Variants in GPR137C observed in about 807,000 individuals in gnomAD.
The protein encoded by GPR137C is integral membrane protein GPR137C.
Under a neutral mutation model 43.4 loss-of-function variants are expected in GPR137C, and 27 were observed. The observed-to-expected ratio is 0.62, with a 90% CI of 0.46 to 0.86. GPR137C has a LOEUF of 0.86. Ranked by LOEUF, GPR137C falls within the 40% of genes least tolerant of loss-of-function variation. The pLI is 0.00. For synonymous variants in GPR137C, 285 were observed against 226.9 expected (o/e 1.26, Z -2.30); for missense variants, 522 against 534.6 (o/e 0.98, Z 0.23).
intron 1 of GPR137C, among the ~76,000 whole-genome samples, chr14:52,585,099 A>G (rs2038695911): frequency 6.6e-6 from 1 of 152,102 alleles, no homozygotes; most frequent in Admixed American, 6.6e-5. Flanking sequence ...TGACCTTGCC[A>G]CCTACTTTCC....
intron 3 of GPR137C, among the ~76,000 whole-genome samples, chr14:52,626,726 A>T (rs1327339323): frequency 2.0e-5 from 3 of 152,174 alleles, no homozygotes; most frequent in Non-Finnish European, 4.4e-5. Flanking sequence ...AGAACATCTT[A>T]AGGCATCTAC....
chr14:52,588,427 G>A (rs890979113), intron 1 of GPR137C, among the ~76,000 whole-genome samples: 1 of 152,172 alleles, frequency 6.6e-6, no homozygotes, highest in Admixed American at 6.5e-5. Flanking sequence ...TTACAGGCAT[G>A]AGCCACCGCT....
intron 3 of GPR137C, among the ~76,000 whole-genome samples, chr14:52,602,607 CTCTA>C (rs978113974): frequency 1.3e-5 from 2 of 152,118 alleles, no homozygotes; most frequent in African/African-American, 4.8e-5. Context: ...TCTCACACAT[CTCTA>C]TCTGATTGTT....
chr14:52,627,715 G>C (rs1382667129), intron 3 of GPR137C, among the ~76,000 whole-genome samples: 1 of 151,980 alleles, frequency 6.6e-6, no homozygotes, highest in Admixed American at 6.6e-5. Context: ...ATGGTGGCAC[G>C]TGCCTGTAAT....
chr14:52,631,311 G>A (rs1219974929), intron 3 of GPR137C, among the ~76,000 whole-genome samples: 1 of 152,096 alleles, frequency 6.6e-6, no homozygotes, highest in Non-Finnish European at 1.5e-5. Context: ...TGGACGTTGT[G>A]CACTAAATGC....
intron 1 of GPR137C, among the ~76,000 whole-genome samples, chr14:52,572,581 A>G (rs1480749285): frequency 2.0e-5 from 3 of 152,228 alleles, no homozygotes; most frequent in Non-Finnish European, 4.4e-5. Flanking sequence ...TAAACTAGGT[A>G]TTGTTGGAAT....
chr14:52,637,192 AT>A lies in GPR137C; in HGVS notation c.*2078del, dbSNP rs1461999149. ...CCCAAATTCTTGCATTTGTCTCCTT[AT>A]ACACATCTAACATATCACCAAAGAC... On this transcript the variant is annotated 3_prime_UTR_variant, in exon 7 of 7. Coordinates refer to ENST00000321662, the MANE Select transcript of GPR137C (RefSeq NM_001099652.2). The A allele has an allele frequency of 1.1e-4, 16 of 152,112 alleles. No individual in the cohort carries two copies. Among genetic ancestry groups the A allele is most frequent in the African/African-American group, 3.9e-4 (16 of 41,444 alleles). The allele number at this position is 152,112 out of a possible 1,614,324, so 9.4% of individuals were successfully genotyped here.
chr14:52,594,543 G>T (rs1439973110), intron 1 of GPR137C, among the ~76,000 whole-genome samples: 1 of 152,164 alleles, frequency 6.6e-6, no homozygotes, highest in African/African-American at 2.4e-5. Flanking sequence ...AGCTCTTCTT[G>T]TTGAATTGAT....
At chr14:52,613,621 C>A in intron 3 of GPR137C, 2 of 207,810 alleles carry the variant, frequency 9.6e-6, no homozygotes, top group South Asian at 6.5e-5. Context: ...TCTTTCTGTG[C>A]CTGGCATATT....
chr14:52,598,997 G>A (rs564310575), intron 2 of GPR137C, among the ~76,000 whole-genome samples: 5 of 152,204 alleles, frequency 3.3e-5, no homozygotes, highest in Admixed American at 2.6e-4. Context: ...AATTTACCTC[G>A]TTTAAACCAT....
intron 3 of GPR137C, among the ~76,000 whole-genome samples, chr14:52,621,054 C>A (rs2039155125): frequency 6.6e-6 from 1 of 151,714 alleles, no homozygotes; most frequent in African/African-American, 2.4e-5. Context: ...AAATTTATGT[C>A]TTTCAAGCTT....
Position 52,612,082 on chromosome 14 carries a change from G to C in GPR137C, c.717+11741G>C, listed in dbSNP as rs59975870. On this transcript the variant is annotated intron_variant, in intron 3 of 6. Coordinates refer to ENST00000321662, the MANE Select transcript of GPR137C (RefSeq NM_001099652.2). ...CTGTTAACTGGTTTTATTTCTACCA[G>C]ACTTGCTGTTTTATAGTTTTATGGG... is the stretch of plus-strand genomic sequence containing the variant. 2,392 of 984,998 alleles carry C rather than the reference G, an allele frequency of 2.4e-3. 35 individuals carry two copies. In the African/African-American group the frequency reaches 0.036, roughly 15 times the overall value. The allele number at this position is 984,998 out of a possible 1,614,324, so 61.0% of individuals were successfully genotyped here. A position where few individuals can be genotyped will look rare whatever the true frequency, so the allele number is the denominator to read the frequency against.
At chr14:52,630,452 T>A (rs866136109) in intron 3 of GPR137C, among the ~76,000 whole-genome samples, 1 of 147,514 alleles carries the variant, frequency 6.8e-6, no homozygotes, top group Non-Finnish European at 1.5e-5. Context: ...TTAACTTTTA[T>A]TAACTTTTTT....
intron 1 of GPR137C, among the ~76,000 whole-genome samples, chr14:52,568,378 T>G (rs2038406048): frequency 6.6e-6 from 1 of 152,186 alleles, no homozygotes; most frequent in African/African-American, 2.4e-5. Flanking sequence ...ACTGGTTGGC[T>G]GTTTGGGTGG....
chr14:52,590,767 A>G (rs996055285), intron 1 of GPR137C, among the ~76,000 whole-genome samples: 2 of 152,204 alleles, frequency 1.3e-5, no homozygotes, highest in African/African-American at 2.4e-5. Flanking sequence ...AGGCTATACC[A>G]TCTAGGTTTG....
At chr14:52,595,723 C>CT (rs2038846019) in intron 1 of GPR137C, among the ~76,000 whole-genome samples, 1 of 152,112 alleles carries the variant, frequency 6.6e-6, no homozygotes, top group Non-Finnish European at 1.5e-5. Context: ...TTCGCCTGAC[C>CT]TTTTTTCAAG....
chr14:52,560,635 A>G (rs572464291), intron 1 of GPR137C, among the ~76,000 whole-genome samples: 6 of 152,318 alleles, frequency 3.9e-5, no homozygotes, highest in African/African-American at 1.4e-4. Flanking sequence ...TTTTTCCCCA[A>G]AAGTGCCAAG....
chr14:52,588,763 C>T (rs897084802), intron 1 of GPR137C, among the ~76,000 whole-genome samples: 17 of 151,872 alleles, frequency 1.1e-4, no homozygotes, highest in African/African-American at 4.1e-4. Flanking sequence ...TGAATAAGGT[C>T]TGAAAATTAC....
chr14:52,569,082 C>T (rs994321674), intron 1 of GPR137C, among the ~76,000 whole-genome samples: 18 of 152,152 alleles, frequency 1.2e-4, no homozygotes, highest in Admixed American at 9.8e-4. Flanking sequence ...CCGTCTGGGA[C>T]GAAGCTTCCA....
Sources: gnomAD v4.1 joint callset for allele counts (sites outside exome capture counted in the v4.1 genomes callset) on GRCh38, gnomAD v4.1.1 for gene constraint, MANE v1.5 for transcripts, NCBI Gene and HGNC (gene_info 2026-07-23, HGNC 2026-07-21) for gene names.